SDCBP2: variants seen among roughly 807,000 people sequenced by gnomAD.
SDCBP2 encodes syndecan binding protein 2.
In SDCBP2, 28 loss-of-function variants were observed where a neutral mutation model predicts 30.7. That is an observed-to-expected ratio of 0.91 (90% CI 0.68 to 1.25). SDCBP2 has a LOEUF of 1.25. SDCBP2 is among the 50% of genes most tolerant of loss of function. SDCBP2 has a pLI of 0.00. For missense variants in SDCBP2, 399 were observed against 379.0 expected, an observed-to-expected ratio of 1.05 and a Z score of -0.44; for synonymous variants, 166 against 157.3, an observed-to-expected ratio of 1.06 and a Z score of -0.41.
At chr20:1,327,508 C>A (rs1278607719) in intron 1 of SDCBP2, among the ~76,000 whole-genome samples, 6 of 152,186 alleles carry the variant, frequency 3.9e-5, no homozygotes, top group Non-Finnish European at 8.8e-5. Flanking sequence ...TGCTAGGCCA[C>A]CAGCATGTAC....
At chr20:1,319,267 C>G (rs2122527228) in intron 3 of SDCBP2, among the ~76,000 whole-genome samples, 1 of 152,326 alleles carries the variant, frequency 6.6e-6, no homozygotes, top group South Asian at 2.1e-4. Flanking sequence ...ATATCACATC[C>G]TCAAGGCAGC....
In SDCBP2 at chr20:1,313,502, C is replaced by A. The variant is rs768636013; in HGVS notation, c.226-4G>T. 1 of 1,582,690 alleles carries A rather than the reference C, an allele frequency of 6.3e-7. No individual in the cohort carries two copies. The highest frequency in any genetic ancestry group is 8.6e-7 in the Non-Finnish European group (1 of 1,169,080). On this transcript the variant is annotated splice_region_variant and splice_polypyrimidine_tract_variant and intron_variant, in intron 4 of 8. Transcript: ENST00000360779. This position sits in a 1 kb window ranked among gnomAD's most constrained non-coding sequence, Gnocchi z 5.2. ...GCCCGGGGCCCGAGACCGCTGTCTG[C>A]AGACACCAGGGGGCAGGGGGTCAGC...
At position 1,313,150 on chromosome 20, in the gene SDCBP2, C is replaced by T. The variant is rs2088706321; in HGVS notation, c.384+190G>A. The stretch of plus-strand genomic sequence containing the variant: ...AGCCCACGGAGAGGCCAGTGGAGGG[C>T]CCTGCGCAACCCAGCACCAGCCCCG... On this transcript the variant is annotated intron_variant, in intron 5 of 8. Transcript: ENST00000360779. The surrounding 1 kb of genome is among the most constrained non-coding windows in gnomAD (Gnocchi z 5.2). The T allele has an allele frequency of 7.7e-6, 5 of 648,372 alleles. No homozygotes were observed. The highest frequency in any genetic ancestry group is 4.1e-4 in the Middle Eastern group (1 of 2,434). The allele number at this position is 648,372 out of a possible 1,614,324, so 40.2% of individuals were successfully genotyped here.
chr20:1,312,667 A>G lies in SDCBP2; in HGVS notation c.480T>C (p.Cys160=), dbSNP rs778669974. 1.2e-6 allele frequency: 2 copies of G among 1,614,138 alleles called. No homozygotes were observed. Among genetic ancestry groups the G allele is most frequent in the Admixed American group, 3.3e-5 (2 of 60,022 alleles). ...GGGCTTTGTGCGAGCTCCACCCAGC[A>G]CAGTCACGCCCGTCAATCTGCAGGA... The part of the protein sequence containing the change: ...DQLLQIDGRD[C]AGWSSHKAHQ... Residue 160 remains cysteine, a synonymous_variant, in exon 6 of 9, where the codon TGT becomes TGC. Transcript: ENST00000360779.
intron 1 of SDCBP2, chr20:1,325,436 G>T (rs2088908410): frequency 6.6e-6 from 1 of 152,236 alleles, no homozygotes; most frequent in South Asian, 2.1e-4. Context: ...GGAACATGGC[G>T]GCCTCCTTGC....
In SDCBP2 at chr20:1,312,683, A is replaced by G. The variant is rs534687351; in HGVS notation, c.464T>C (p.Ile155Thr). 15 of 1,614,100 alleles carry G rather than the reference A, an allele frequency of 9.3e-6. No individual in the cohort carries two copies. The highest frequency in any genetic ancestry group is 6.7e-5 in the East Asian group (3 of 44,860). ...CCACCCAGCACAGTCACGCCCGTCA[A>G]TCTGCAGGAGCTGGTCCCCAAAGCG... ...GLRFGDQLLQ[I>T]DGRDCAGWSS... Residue 155 changes from isoleucine (I) to threonine (T), a missense_variant, in exon 6 of 9, where the codon ATT becomes ACT. Ile to Thr is a moderately conservative substitution (Grantham distance 89). Coordinates refer to ENST00000360779, the MANE Select transcript of SDCBP2 (RefSeq NM_080489.5).
chr20:1,320,597 T>C lies in SDCBP2; in HGVS notation c.-19-162A>G. 1.8e-6 allele frequency: 1 copy of C among 568,822 alleles called. No homozygotes were observed. The highest frequency in any genetic ancestry group is 2.1e-5 in the South Asian group (1 of 46,522). 35.2% of individuals were successfully genotyped at this position (568,822 alleles called of 1,614,324 possible). The stretch of plus-strand genomic sequence containing the variant: ...CCCGAACTCCACCCCTAATCCCCTG[T>C]CGATATTTGAACTCTACTGTATTCC... On this transcript the variant is annotated intron_variant, in intron 1 of 8. Coordinates refer to ENST00000360779, the MANE Select transcript of SDCBP2 (RefSeq NM_080489.5). The surrounding 1 kb of genome is among the most constrained non-coding windows in gnomAD (Gnocchi z 4.7).
At position 1,313,251 on chromosome 20, in the gene SDCBP2, T is replaced by C. The variant is rs1200582747; in HGVS notation, c.384+89A>G. On this transcript the variant is annotated intron_variant, in intron 5 of 8. Coordinates refer to ENST00000360779, the MANE Select transcript of SDCBP2 (RefSeq NM_080489.5). This position sits in a 1 kb window ranked among gnomAD's most constrained non-coding sequence, Gnocchi z 5.2. ...TAGGAGGCCCGCTCTGCACCTTCCT[T>C]ACTGTGGACGGGCCCTCTGAGCTCT... 7.3e-7 allele frequency: 1 copy of C among 1,375,240 alleles called. No homozygotes were observed. The highest frequency in any genetic ancestry group is 1.3e-5 in the South Asian group (1 of 79,622). 85.2% of individuals were successfully genotyped at this position (1,375,240 alleles called of 1,614,324 possible).
At chr20:1,318,843 A>C (rs1160023045) in intron 3 of SDCBP2, among the ~76,000 whole-genome samples, 2 of 152,072 alleles carry the variant, frequency 1.3e-5, no homozygotes, top group Non-Finnish European at 2.9e-5. Context: ...AAGCAAGTAC[A>C]CTGAGGAAAG....
chr20:1,318,188 G>T, intron 4 of SDCBP2, 130 bp downstream of exon 4: 1 of 727,544 alleles, frequency 1.4e-6, no homozygotes. Context: ...AAGAAACAGA[G>T]CCAGCAGAGT....
chr20:1,314,278 C>T (rs1164615533), intron 4 of SDCBP2, among the ~76,000 whole-genome samples: 1 of 151,924 alleles, frequency 6.6e-6, no homozygotes, highest in African/African-American at 2.4e-5. Context: ...CACTTGAGCC[C>T]AGGAGTTCAA....
chr20:1,314,280 G>A (rs2088734820), intron 4 of SDCBP2, among the ~76,000 whole-genome samples: 1 of 151,998 alleles, frequency 6.6e-6, no homozygotes, highest in African/African-American at 2.4e-5. Flanking sequence ...CTTGAGCCCA[G>A]GAGTTCAAGA....
rs190298309 is a variant in SDCBP2 at position 1,323,425 on chromosome 20, T to C, written c.-19-2990A>G. On this transcript the variant is annotated intron_variant, in intron 1 of 8. Transcript: ENST00000360779. ...TCCTAACATTTAACCAGTAGAGCAC[T>C]TATATTTTTGTCAGCTGTCCCCTGG... is the stretch of plus-strand genomic sequence containing the variant. 3.9e-5 allele frequency: 6 copies of C among 152,302 alleles called. No homozygotes were observed. The East Asian group carries it at 1.2e-3, about 29-fold the overall frequency. 9.4% of individuals were successfully genotyped at this position (152,302 alleles called of 1,614,324 possible).
In SDCBP2 at chr20:1,324,437, G is replaced by A. The variant is rs2073442831; in HGVS notation, c.-19-4002C>T. On this transcript the variant is annotated intron_variant, in intron 1 of 8. Transcript: ENST00000360779. The surrounding 1 kb of genome is among the most constrained non-coding windows in gnomAD (Gnocchi z 4.7). Reference sequence around the variant, plus strand: ...TGAGGGGACAGTCATATCCCTGTCGGGGGTGGGGGGGGCAGGGATATGAAA... The same window carrying A: ...TGAGGGGACAGTCATATCCCTGTCGAGGGTGGGGGGGGCAGGGATATGAAA... The A allele has an allele frequency of 6.6e-6, 1 of 152,164 alleles. No homozygotes were observed. Among genetic ancestry groups the A allele is most frequent in the South Asian group, 2.1e-4 (1 of 4,806 alleles). The allele number at this position is 152,164 out of a possible 1,614,324, so 9.4% of individuals were successfully genotyped here. A position where few individuals can be genotyped will look rare whatever the true frequency, so the allele number is the denominator to read the frequency against.
Position 1,318,421 on chromosome 20 carries a change from G to A in SDCBP2, c.125-3C>T. 1 of 1,565,502 alleles carries A rather than the reference G, an allele frequency of 6.4e-7. No individual in the cohort carries two copies. The highest frequency in any genetic ancestry group is 8.7e-7 in the Non-Finnish European group (1 of 1,143,318). ...TTCTGCCAAGTTTGGGTACAAAACT[G>A]ATAGGGAAAGAAGGAAGAATAAATG... On this transcript the variant is annotated splice_polypyrimidine_tract_variant and splice_region_variant and intron_variant, in intron 3 of 8. Coordinates refer to ENST00000360779, the MANE Select transcript of SDCBP2 (RefSeq NM_080489.5).
At chr20:1,312,247 G>A in intron 7 of SDCBP2, 90 bp downstream of exon 7, 1 of 1,304,792 alleles carries the variant, frequency 7.7e-7, no homozygotes, top group Non-Finnish European at 1.1e-6. Context: ...GGAAGAGGAT[G>A]CTGAGGCTCA....
At chr20:1,325,160 C>T (rs2122545286) in intron 1 of SDCBP2, among the ~76,000 whole-genome samples, 1 of 152,324 alleles carries the variant, frequency 6.6e-6, no homozygotes, top group Admixed American at 6.5e-5. Context: ...GCAACGGTCC[C>T]TAGGGCCTGC....
chr20:1,325,867 G>A (rs2122548627), intron 1 of SDCBP2: 1 of 152,254 alleles, frequency 6.6e-6, no homozygotes, highest in Non-Finnish European at 1.5e-5. Context: ...ACCCAGTGTT[G>A]AGCTAAAAAT....
Position 1,313,112 on chromosome 20 carries a change from T to A in SDCBP2, c.384+228A>T. Reference sequence around the variant, plus strand: ...AGGGCAGGTGGGGAAGGGAGGCTCCTCCGAGCGACGGAAGCCCACGGAGAG... The same window carrying A: ...AGGGCAGGTGGGGAAGGGAGGCTCCACCGAGCGACGGAAGCCCACGGAGAG... On this transcript the variant is annotated intron_variant, in intron 5 of 8. Coordinates refer to ENST00000360779, the MANE Select transcript of SDCBP2 (RefSeq NM_080489.5). The surrounding 1 kb of genome is among the most constrained non-coding windows in gnomAD (Gnocchi z 5.2). The A allele has an allele frequency of 1.7e-6, 1 of 601,166 alleles. No individual in the cohort carries two copies. The highest frequency in any genetic ancestry group is 2.9e-6 in the Non-Finnish European group (1 of 341,552). 37.2% of individuals were successfully genotyped at this position (601,166 alleles called of 1,614,324 possible).
Sources: gnomAD v4.1 joint callset for allele counts (sites outside exome capture counted in the v4.1 genomes callset) on GRCh38, gnomAD v4.1.1 for gene constraint, Gnocchi (gnomAD v3.1) non-coding constraint, MANE v1.5 for transcripts, NCBI Gene and HGNC (gene_info 2026-07-23, HGNC 2026-07-21) for gene names.